TTC8: variants seen among roughly 807,000 people sequenced by gnomAD.
TTC8 encodes tetratricopeptide repeat protein 8.
Under a neutral mutation model 72.5 loss-of-function variants are expected in TTC8, and 47 were observed. The observed-to-expected ratio is 0.65, with a 90% CI of 0.51 to 0.83. The LOEUF is 0.83. Ranked by LOEUF, TTC8 falls within the 40% of genes least tolerant of loss-of-function variation. TTC8 has a pLI of 0.00. For synonymous variants in TTC8, 199 were observed against 221.4 expected, an observed-to-expected ratio of 0.90 and a Z score of 0.90; for missense variants, 611 against 623.2, an observed-to-expected ratio of 0.98 and a Z score of 0.21.
chr14:88,862,975 C>T (rs917088246), intron 10 of TTC8, among the ~76,000 whole-genome samples: 1 of 151,232 alleles, frequency 6.6e-6, no homozygotes, highest in African/African-American at 2.4e-5. Context: ...GTTTTCCTGG[C>T]CCTTTGCTCT....
intron 10 of TTC8, among the ~76,000 whole-genome samples, chr14:88,867,527 T>G (rs537012312): frequency 1.3e-5 from 2 of 152,338 alleles, no homozygotes; most frequent in Admixed American, 6.5e-5. Context: ...CAAGAAGCTA[T>G]TAACAGAGCC....
chr14:88,828,046 C>T (rs548484517), intron 1 of TTC8, among the ~76,000 whole-genome samples: 102 of 152,264 alleles, frequency 6.7e-4, no homozygotes, highest in Non-Finnish European at 1.1e-3. Context: ...CTATGAAGGT[C>T]GTCGTAGTTG....
At chr14:88,827,065 C>T (rs767701057) in intron 1 of TTC8, among the ~76,000 whole-genome samples, 4 of 151,772 alleles carry the variant, frequency 2.6e-5, no homozygotes, top group Non-Finnish European at 5.9e-5. Flanking sequence ...GATATCTTCA[C>T]TGTTATCCTG....
chr14:88,826,222 T>A (rs1012966714), intron 1 of TTC8, among the ~76,000 whole-genome samples: 1 of 151,588 alleles, frequency 6.6e-6, no homozygotes, highest in African/African-American at 2.4e-5. Context: ...ACTCCTGACC[T>A]CGTGATCCGT....
chr14:88,832,567 T>G (rs1159990667), intron 1 of TTC8, among the ~76,000 whole-genome samples: 1 of 152,182 alleles, frequency 6.6e-6, no homozygotes, highest in African/African-American at 2.4e-5. Context: ...TTACTTAACA[T>G]CTCTGAATTT....
intron 10 of TTC8, among the ~76,000 whole-genome samples, chr14:88,864,161 C>T (rs957321187): frequency 3.3e-5 from 5 of 152,014 alleles, no homozygotes; most frequent in Admixed American, 1.3e-4. Context: ...TCTAGATTTT[C>T]CATAATAAAC....
At chr14:88,844,327 A>G (rs1402328655) in intron 7 of TTC8, among the ~76,000 whole-genome samples, 3 of 152,190 alleles carry the variant, frequency 2.0e-5, no homozygotes, top group African/African-American at 7.2e-5. Flanking sequence ...AGAATTTTAA[A>G]GTTATATGCG....
chr14:88,880,449 G>A (rs770356414), downstream of TTC8: 16 of 152,190 alleles, frequency 1.1e-4, no homozygotes, highest in Non-Finnish European at 4.4e-5. Context: ...TTCTTGCAAT[G>A]TGATCCTTTT....
chr14:88,833,904 G>T, intron 2 of TTC8, 182 bp downstream of exon 2: 1 of 635,350 alleles, frequency 1.6e-6, no homozygotes, highest in Admixed American at 2.5e-5. Context: ...ATACTTTTGT[G>T]TATATTGATA....
intron 10 of TTC8, among the ~76,000 whole-genome samples, chr14:88,863,016 G>C (rs1221637481): frequency 7.1e-6 from 1 of 141,496 alleles, no homozygotes; most frequent in African/African-American, 2.6e-5. Context: ...GGCCTATCAA[G>C]AGCCATAAAA....
At chr14:88,872,219 T>C (rs2094937301) in intron 12 of TTC8, 111 bp from the exon 13 acceptor site, 20 of 1,457,538 alleles carry the variant, frequency 1.4e-5, no homozygotes, top group Non-Finnish European at 1.7e-5. Context: ...ACTTCTATAA[T>C]TGTATGGTAC....
At chr14:88,857,341 T>G in intron 9 of TTC8, 64 bp downstream of exon 9, 2 of 1,350,546 alleles carry the variant, frequency 1.5e-6, no homozygotes, top group Non-Finnish European at 2.1e-6. Flanking sequence ...TTCTGGCCAT[T>G]GCATGGGGAG....
chr14:88,870,238 A>G, intron 11 of TTC8, 40 bp downstream of exon 11: 1 of 1,597,398 alleles, frequency 6.3e-7, no homozygotes, highest in Non-Finnish European at 8.6e-7. Flanking sequence ...CTTTCCTGTG[A>G]AATATTGATA....
chr14:88,844,695 C>A (rs1566839979), intron 7 of TTC8, among the ~76,000 whole-genome samples: 1 of 151,732 alleles, frequency 6.6e-6, no homozygotes, highest in Non-Finnish European at 1.5e-5. Context: ...TAGGCGTGTG[C>A]CACCATGCCC....
Position 88,869,287 on chromosome 14 carries a change from G to A in TTC8, c.910-772G>A, listed in dbSNP as rs550917302. On this transcript the variant is annotated intron_variant, in intron 10 of 14. Coordinates refer to ENST00000380656, the MANE Select transcript of TTC8 (RefSeq NM_144596.4). ...TTTATGATTATCAGTATTTTAGAAA[G>A]AATATATAATAACTGTAGAAGGTTT... Among the ~76,000 whole-genome samples, 22 of 152,236 alleles carry A rather than the reference G, an allele frequency of 1.4e-4. No individual in the cohort carries two copies. The East Asian group carries it at 2.3e-3, about 16-fold the overall frequency.
chr14:88,871,519 A>C lies in TTC8; in HGVS notation c.1050-30A>C. On this transcript the variant is annotated intron_variant, in intron 11 of 14. Transcript: ENST00000380656. The surrounding 1 kb of genome is among the most constrained non-coding windows in gnomAD (Gnocchi z 4.1). Reference sequence around the variant, plus strand: ...TTAAAACTTACAAAGTTGGTCTGACACCAAAATTTGTGTGTTCTTTTTTGA... The same window carrying C: ...TTAAAACTTACAAAGTTGGTCTGACCCCAAAATTTGTGTGTTCTTTTTTGA... 2 of 1,611,656 alleles carry C rather than the reference A, an allele frequency of 1.2e-6. No homozygotes were observed. Among genetic ancestry groups the C allele is most frequent in the Non-Finnish European group, 1.7e-6 (2 of 1,179,346 alleles).
intron 13 of TTC8, among the ~76,000 whole-genome samples, chr14:88,874,632 C>T (rs1175605865): frequency 1.3e-5 from 2 of 152,016 alleles, no homozygotes; most frequent in African/African-American, 4.8e-5. Context: ...TTAGAGCCTG[C>T]TTAGTCAATC....
At chr14:88,834,084 T>C (rs1356540405) in intron 2 of TTC8, 1 of 299,532 alleles carries the variant, frequency 3.3e-6, no homozygotes, top group Non-Finnish European at 6.4e-6. Context: ...AAGACTGTGA[T>C]GGATGGGATG....
intron 8 of TTC8, among the ~76,000 whole-genome samples, chr14:88,853,540 C>A (rs1400286114): frequency 1.3e-5 from 2 of 152,162 alleles, no homozygotes; most frequent in Non-Finnish European, 2.9e-5. Context: ...TATCGTTAGT[C>A]CTTTTCCCAG....
Sources: allele counts gnomAD v4.1 joint callset (sites outside exome capture counted in the v4.1 genomes callset), GRCh38; gene constraint gnomAD v4.1.1; non-coding constraint Gnocchi (gnomAD v3.1); transcripts MANE v1.5; gene names NCBI Gene and HGNC (gene_info 2026-07-23, HGNC 2026-07-21).